Variants in PFAS observed in about 807,000 individuals in gnomAD.
PFAS encodes the protein FGAM synthase.
A neutral mutation model predicts 140.6 loss-of-function variants in PFAS; 97 were observed. That is an observed-to-expected ratio of 0.69 (90% CI 0.59 to 0.82). PFAS has a LOEUF of 0.82. PFAS is among the 40% of genes least tolerant of loss of function. The probability of loss-of-function intolerance (pLI) is 0.00; values close to 1 mark genes in which losing one functional copy is unlikely to be tolerated. For synonymous variants in PFAS, 679 were observed against 718.8 expected (o/e 0.94, Z 0.88); for missense variants, 1,656 against 1,780.2 (o/e 0.93, Z 1.26).
intron 4 of PFAS, 74 bp downstream of exon 4, chr17:8,255,206 C>G: frequency 8.8e-7 from 1 of 1,134,686 alleles, no homozygotes. Flanking sequence ...TAGAGAGAAG[C>G]AGGGACAGGT....
intron 9 of PFAS, among the ~76,000 whole-genome samples, chr17:8,257,343 T>C (rs1989410889): frequency 6.6e-6 from 1 of 151,786 alleles, no homozygotes; most frequent in Non-Finnish European, 1.5e-5. Flanking sequence ...GATCACAAGG[T>C]CAGGAGATCA....
Position 8,267,167 on chromosome 17 carries a change from G to C in PFAS, c.3107G>C (p.Arg1036Thr). 6.2e-7 allele frequency: 1 copy of C among 1,608,790 alleles called. No homozygotes were observed. Among genetic ancestry groups the C allele is most frequent in the Non-Finnish European group, 8.5e-7 (1 of 1,178,118 alleles). Residue 1036 changes from arginine (R) to threonine (T), a missense_variant, in exon 24 of 28, where the codon AGG becomes ACG. Physicochemically the swap from Arg to Thr is moderately conservative, Grantham distance 71. Coordinates refer to ENST00000314666, the MANE Select transcript of PFAS (RefSeq NM_012393.3). This position sits in a 1 kb window ranked among gnomAD's most constrained non-coding sequence, Gnocchi z 4.9. ...RCVAEEERGL[R>T]ERMGPSYCLP... ...GTGGCAGAGGAGGAACGGGGCCTGAGGGAGCGGATGGGGCCCAGCTATTGC... is the reference window on the plus strand; with the variant it reads ...GTGGCAGAGGAGGAACGGGGCCTGACGGAGCGGATGGGGCCCAGCTATTGC...
Position 8,266,021 on chromosome 17 carries a change from A to C in PFAS, c.2701+4A>C. 6.2e-7 allele frequency: 1 copy of C among 1,601,860 alleles called. No homozygotes were observed. The highest frequency in any genetic ancestry group is 8.5e-7 in the Non-Finnish European group (1 of 1,173,568). On this transcript the variant is annotated splice_donor_region_variant and intron_variant, in intron 21 of 27. Transcript: ENST00000314666. This position sits in a 1 kb window ranked among gnomAD's most constrained non-coding sequence, Gnocchi z 5.0. ...ATCACTCAGGGGCTGCTGAAAGGTG[A>C]GTGAAGACCCCTGGGGAGATAGCGC...
chr17:8,262,864 C>T (rs909069410), intron 11 of PFAS, 56 bp from the exon 12 acceptor site: 58 of 1,376,610 alleles, frequency 4.2e-5, no homozygotes, highest in South Asian at 3.8e-4. Flanking sequence ...GCCTTGCTTT[C>T]GAGGCCTCTT....
chr17:8,261,225 T>A (rs1329964540), intron 11 of PFAS, among the ~76,000 whole-genome samples: 3 of 151,948 alleles, frequency 2.0e-5, no homozygotes, highest in Non-Finnish European at 4.4e-5. Flanking sequence ...ATGTTGAGCG[T>A]GTTTTCTTTC....
At chr17:8,256,074 A>G (rs1989350097) in intron 6 of PFAS, among the ~76,000 whole-genome samples, 164 bp downstream of exon 6, 1 of 152,156 alleles carries the variant, frequency 6.6e-6, no homozygotes, top group Non-Finnish European at 1.5e-5. Flanking sequence ...TCTTGGTTTT[A>G]TCTTCACTTT....
In PFAS at chr17:8,255,687, G is replaced by A. The variant is rs758799656; in HGVS notation, c.570G>A (p.Glu190=). The A allele has an allele frequency of 7.1e-5, 112 of 1,585,032 alleles. No individual in the cohort carries two copies. The highest frequency in any genetic ancestry group is 9.6e-5 in the Non-Finnish European group (112 of 1,167,252). Residue 190 remains glutamate, a synonymous_variant, in exon 5 of 28, where the codon GAG becomes GAA. Transcript: ENST00000314666. Reference sequence around the variant, plus strand: ...TTGCGCTGGAGAAGGCCAACCAGGAGCTTGGTGAGTAGCTGGGGAGGGAGA... The same window carrying A: ...TTGCGCTGGAGAAGGCCAACCAGGAACTTGGTGAGTAGCTGGGGAGGGAGA... ...GRLALEKANQ[E]LGLALDSWDL...
At chr17:8,264,837 C>A in intron 17 of PFAS, 58 bp from the exon 18 acceptor site, 1 of 1,259,360 alleles carries the variant, frequency 7.9e-7, no homozygotes, top group Non-Finnish European at 1.1e-6. Flanking sequence ...GGGGCATGTG[C>A]GGGAGCTCAG....
intron 16 of PFAS, 60 bp from the exon 17 acceptor site, chr17:8,264,410 T>C: frequency 6.2e-7 from 1 of 1,612,212 alleles, no homozygotes; most frequent in Non-Finnish European, 8.5e-7. Context: ...GTGCACTTTG[T>C]CGCCTGTGTG....
chr17:8,256,909 G>C lies in PFAS; in HGVS notation c.1021G>C (p.Ala341Pro). ...IRDVQCTGRGAHVVAGTAGYC... is the reference protein window; with the variant it reads ...IRDVQCTGRGPHVVAGTAGYC... ...AGATGTCCAGTGCACAGGCCGCGGG[G>C]CCCACGTGGTGGCTGGCACTGCCGG... The change falls in exon 9 of 28, where the codon GCC (alanine) becomes CCC (proline). Residue 341 changes from alanine (A) to proline (P), a missense_variant. Physicochemically the swap from Ala to Pro is conservative, Grantham distance 27. Around this residue, in one of 2 missense-constraint regions of PFAS, gnomAD observed 773 missense variants for 757.3 expected, o/e 1.02. Transcript: ENST00000314666. 6.2e-7 allele frequency: 1 copy of C among 1,614,180 alleles called. No individual in the cohort carries two copies. The highest frequency in any genetic ancestry group is 8.5e-7 in the Non-Finnish European group (1 of 1,180,006).
At chr17:8,247,897 G>T, upstream of PFAS, 1 of 1,185,278 alleles carries the variant, frequency 8.4e-7, no homozygotes, top group Non-Finnish European at 1.2e-6. Context: ...CCCATGGGCC[G>T]GACGCGGCCA....
Position 8,267,546 on chromosome 17 carries a change from C to A in PFAS, c.3268-5C>A, listed in dbSNP as rs1216924819. ...CACCCACACTCCCCCTCCCCACCTTCGCAGGTATGGGACGTGACCATGCAG... is the reference window on the plus strand; with the variant it reads ...CACCCACACTCCCCCTCCCCACCTTAGCAGGTATGGGACGTGACCATGCAG... On this transcript the variant is annotated splice_polypyrimidine_tract_variant and splice_region_variant and intron_variant, in intron 25 of 27. Transcript: ENST00000314666. This position sits in a 1 kb window ranked among gnomAD's most constrained non-coding sequence, Gnocchi z 4.9. 1 of 1,598,348 alleles carries A rather than the reference C, an allele frequency of 6.3e-7. No homozygotes were observed. The highest frequency in any genetic ancestry group is 1.1e-5 in the South Asian group (1 of 90,798).
chr17:8,262,337 G>GT (rs1361281427), intron 11 of PFAS: 1 of 153,476 alleles, frequency 6.5e-6, no homozygotes, highest in East Asian at 1.9e-4. Context: ...GTTTAATCTT[G>GT]TAAGTAGGTG....
chr17:8,259,125 C>T (rs991179370), intron 11 of PFAS, among the ~76,000 whole-genome samples: 1 of 118,684 alleles, frequency 8.4e-6, no homozygotes, highest in African/African-American at 3.5e-5. Flanking sequence ...GCACCACTGT[C>T]AAAAAAAAAA....
Position 8,265,074 on chromosome 17 carries a change from C to G in PFAS, c.2229C>G (p.Ala743=), listed in dbSNP as rs375576847. 1 of 1,613,302 alleles carries G rather than the reference C, an allele frequency of 6.2e-7. No homozygotes were observed. Among genetic ancestry groups the G allele is most frequent in the Admixed American group, 1.7e-5 (1 of 60,004 alleles). The change falls in exon 18 of 28, where the codon GCC becomes GCG. Residue 743 remains alanine (A), a synonymous_variant. Transcript: ENST00000314666. ...ACCCAAAAGTCGCCGCCCGGCTGGC[C>G]GTGGCCGAAGCCCTCACCAACCTGG... ...LLDPKVAARL[A]VAEALTNLVF...
chr17:8,269,947 G>A lies in PFAS; in HGVS notation c.*683G>A, dbSNP rs1279640863. ...GGCTGGAGTACAATGGCGTGATCTC[G>A]GCCCACTGCAACCTCTGCCTCCTGG... On this transcript the variant is annotated 3_prime_UTR_variant, in exon 28 of 28. Coordinates refer to ENST00000314666, the MANE Select transcript of PFAS (RefSeq NM_012393.3). 2 of 149,400 alleles carry A rather than the reference G, an allele frequency of 1.3e-5. No individual in the cohort carries two copies. The highest frequency in any genetic ancestry group is 2.9e-5 in the Non-Finnish European group (2 of 67,818). The allele number at this position is 149,400 out of a possible 1,614,324, so 9.3% of individuals were successfully genotyped here. A position where few individuals can be genotyped will look rare whatever the true frequency, so the allele number is the denominator to read the frequency against.
rs1989370659 is a variant in PFAS at position 8,256,483 on chromosome 17, T to C, written c.822-41T>C. The C allele has an allele frequency of 6.8e-6, 11 of 1,613,634 alleles. 1 individual carries two copies. The Middle Eastern group carries it at 1.5e-3, about 217-fold the overall frequency. ...CAGGCCCTGGTTGGGTTAGTGTAGGTCCCAGAAAGGAAGCAAGGTCCATGA... is the reference window on the plus strand; with the variant it reads ...CAGGCCCTGGTTGGGTTAGTGTAGGCCCCAGAAAGGAAGCAAGGTCCATGA... On this transcript the variant is annotated intron_variant, in intron 7 of 27. Coordinates refer to ENST00000314666, the MANE Select transcript of PFAS (RefSeq NM_012393.3).
chr17:8,251,211 G>A (rs1001019300), intron 1 of PFAS, among the ~76,000 whole-genome samples: 1 of 152,110 alleles, frequency 6.6e-6, no homozygotes, highest in African/African-American at 2.4e-5. Flanking sequence ...GCGTGAACCC[G>A]CAAGGCAGAG....
chr17:8,257,946 T>A lies in PFAS; in HGVS notation c.1207+8T>A. On this transcript the variant is annotated splice_region_variant and intron_variant, in intron 10 of 27. Transcript: ENST00000314666. ...GGGAACCAGTGCTGGCTGGTGAGGC[T>A]GGGGTGTGGAGGGATGACAAACACC... The A allele has an allele frequency of 3.1e-6, 5 of 1,614,062 alleles. No individual in the cohort carries two copies. Among genetic ancestry groups the A allele is most frequent in the Non-Finnish European group, 4.2e-6 (5 of 1,179,962 alleles).
Sources: gnomAD v4.1 joint callset for allele counts (sites outside exome capture counted in the v4.1 genomes callset) on GRCh38, gnomAD v4.1.1 for gene constraint, gnomAD v4.1.1 regional missense constraint, Gnocchi (gnomAD v3.1) non-coding constraint, MANE v1.5 for transcripts, NCBI Gene and HGNC (gene_info 2026-07-23, HGNC 2026-07-21) for gene names.